The following PRKG1 variants were observed in gnomAD, a reference collection of about 807,000 sequenced individuals.
The protein encoded by PRKG1 is protein kinase cGMP-dependent 1.
PRKG1 carries 35 observed loss-of-function variants against 88.1 expected under a neutral mutation model. That is an observed-to-expected ratio of 0.40 (90% CI 0.30 to 0.53). PRKG1 has a LOEUF of 0.53. PRKG1 is among the 20% of genes least tolerant of loss of function. The pLI, the probability that PRKG1 is intolerant of heterozygous loss-of-function variation, is 0.59. For synonymous variants in PRKG1, 303 were observed against 292.5 expected (o/e 1.04, Z -0.37); for missense variants, 540 against 839.8 (o/e 0.64, Z 4.41).
At position 51,947,679 on chromosome 10, in the gene PRKG1, A is replaced by T. The variant is rs144378339; in HGVS notation, c.762+40109A>T. Among the ~76,000 whole-genome samples the T allele has an allele frequency of 3.9e-4, 59 of 152,286 alleles. No homozygotes were observed. The East Asian group carries it at 6.8e-3, about 17-fold the overall frequency. ...CAAGCAGGTTCATGGGCTGAGGAGA[A>T]GGAGCCCTGGGTGTTGTGGTGTTGA... On this transcript the variant is annotated intron_variant, in intron 5 of 17. Coordinates refer to ENST00000373980, the MANE Select transcript of PRKG1 (RefSeq NM_006258.4).
intron 3 of PRKG1, among the ~76,000 whole-genome samples, chr10:51,627,968 T>C (rs1452379205): frequency 2.0e-5 from 1 of 50,502 alleles, no homozygotes; most frequent in African/African-American, 7.5e-5. Context: ...CTTTCTTTCT[T>C]TCTCTTTCTT....
intron 2 of PRKG1, among the ~76,000 whole-genome samples, chr10:51,246,344 C>T (rs764602225): frequency 3.0e-4 from 45 of 152,100 alleles, no homozygotes; most frequent in Middle Eastern, 3.4e-3. Context: ...CCCACATGCC[C>T]ACAGGATCCA....
chr10:51,876,900 C>T (rs1816802476), intron 4 of PRKG1, among the ~76,000 whole-genome samples: 1 of 152,134 alleles, frequency 6.6e-6, no homozygotes, highest in East Asian at 1.9e-4. Flanking sequence ...GAATCAAGCT[C>T]CAGTTCCCCA....
At chr10:51,078,036 G>C (rs895287542) in intron 1 of PRKG1, among the ~76,000 whole-genome samples, 12 of 152,124 alleles carry the variant, frequency 7.9e-5, no homozygotes, top group African/African-American at 2.9e-4. Context: ...TTCAGTCTCT[G>C]AAATTTTGAT....
At chr10:51,905,504 C>T (rs1013869143) in intron 4 of PRKG1, among the ~76,000 whole-genome samples, 1 of 152,146 alleles carries the variant, frequency 6.6e-6, no homozygotes, top group South Asian at 2.1e-4. Flanking sequence ...AGCCTTTTCT[C>T]CATTCAGATA....
intron 2 of PRKG1, among the ~76,000 whole-genome samples, chr10:51,171,893 A>G (rs1471412436): frequency 6.6e-6 from 1 of 152,108 alleles, no homozygotes; most frequent in African/African-American, 2.4e-5. Context: ...ATTGTTTTAT[A>G]CTTGATAGTG....
intron 5 of PRKG1, among the ~76,000 whole-genome samples, chr10:52,004,831 G>T (rs1392319086): frequency 6.6e-6 from 1 of 152,174 alleles, no homozygotes; most frequent in African/African-American, 2.4e-5. Flanking sequence ...GGAGACTGAG[G>T]TGGGAAGATT....
At chr10:51,073,688 G>C (rs534391461), upstream of PRKG1, among the ~76,000 whole-genome samples, 1 of 152,180 alleles carries the variant, frequency 6.6e-6, no homozygotes, top group Non-Finnish European at 1.5e-5. Context: ...AGCAGGCGAA[G>C]AGTAGCAACG....
At chr10:52,165,039 G>A (rs1333798720) in intron 9 of PRKG1, among the ~76,000 whole-genome samples, 2 of 152,064 alleles carry the variant, frequency 1.3e-5, no homozygotes, top group African/African-American at 4.8e-5. Flanking sequence ...TTTAGAAAAT[G>A]GTAATTGCTT....
chr10:51,012,642 C>T (rs889593747), intron 1 of PRKG1, among the ~76,000 whole-genome samples: 1 of 152,232 alleles, frequency 6.6e-6, no homozygotes, highest in Non-Finnish European at 1.5e-5. Flanking sequence ...TTATTGAGTG[C>T]TTACTTTGTG....
intron 3 of PRKG1, among the ~76,000 whole-genome samples, chr10:51,664,206 A>G (rs1840368913): frequency 1.3e-5 from 2 of 152,192 alleles, no homozygotes; most frequent in Non-Finnish European, 2.9e-5. Flanking sequence ...AGTTCATTTT[A>G]TTCAATTTGA....
intron 7 of PRKG1, among the ~76,000 whole-genome samples, chr10:52,095,286 A>G (rs1292524401): frequency 6.6e-6 from 1 of 152,022 alleles, no homozygotes; most frequent in Non-Finnish European, 1.5e-5. Context: ...TCTTGGTTCA[A>G]ATATCACTCT....
chr10:52,230,737 G>C (rs961075617), intron 9 of PRKG1: 1 of 152,240 alleles, frequency 6.6e-6, no homozygotes, highest in Admixed American at 6.5e-5. Context: ...ATTTTGGTCA[G>C]AGATGGGGAG....
At chr10:51,744,177 T>C (rs1263953004) in intron 3 of PRKG1, among the ~76,000 whole-genome samples, 1 of 152,124 alleles carries the variant, frequency 6.6e-6, no homozygotes, top group Non-Finnish European at 1.5e-5. Flanking sequence ...GGGCAGGCCA[T>C]AGATTTTCAT....
intron 3 of PRKG1, among the ~76,000 whole-genome samples, chr10:51,499,481 A>C (rs1040282339): frequency 6.6e-6 from 1 of 152,246 alleles, no homozygotes; most frequent in African/African-American, 2.4e-5. Context: ...ACCCCTTAAA[A>C]GGGAATTTTA....
rs565537932 is a variant in PRKG1, at chr10:51,496,612, G to A, written c.592+28776G>A. 4.6e-5 allele frequency among the ~76,000 whole-genome samples: 7 copies of A among 152,232 alleles called. No individual in the cohort carries two copies. In the East Asian group the frequency reaches 1.4e-3, roughly 29 times the overall value. On this transcript the variant is annotated intron_variant, in intron 3 of 17. Transcript: ENST00000373980. Reference sequence around the variant, plus strand: ...AGGGTATGACTTCTTTTCCCAAGGTGCTCACTGAGTCATTGTTGATCAGAA... The same window carrying A: ...AGGGTATGACTTCTTTTCCCAAGGTACTCACTGAGTCATTGTTGATCAGAA...
rs370155016 is a variant in PRKG1, at chr10:51,556,496, A to G, written c.592+88660A>G. Among the ~76,000 whole-genome samples, 21 of 152,104 alleles carry G rather than the reference A, an allele frequency of 1.4e-4. No individual in the cohort carries two copies. In the East Asian group the frequency reaches 1.7e-3, roughly 13 times the overall value. On this transcript the variant is annotated intron_variant, in intron 3 of 17. Transcript: ENST00000373980. ...ATGGACCCAACCTAGGTGCTCATCA[A>G]TGGTGGACTGGAAATGAAAATGTCT...
At chr10:52,053,634 ATTAC>A (rs1203115566) in intron 5 of PRKG1, among the ~76,000 whole-genome samples, 3 of 152,152 alleles carry the variant, frequency 2.0e-5, no homozygotes, top group African/African-American at 7.2e-5. Context: ...CCTTATTGAA[ATTAC>A]TTTTGTTCAT....
intron 3 of PRKG1, among the ~76,000 whole-genome samples, chr10:51,732,113 G>C (rs923522792): frequency 1.3e-5 from 2 of 151,350 alleles, no homozygotes; most frequent in African/African-American, 4.9e-5. Flanking sequence ...AGGCTGGAGT[G>C]CAGTGACACA....
Sources: allele counts gnomAD v4.1 joint callset (sites outside exome capture counted in the v4.1 genomes callset), GRCh38; gene constraint gnomAD v4.1.1; transcripts MANE v1.5; gene names NCBI Gene and HGNC (gene_info 2026-07-23, HGNC 2026-07-21).